The following CADM1 variants were observed in gnomAD, a reference collection of about 807,000 sequenced individuals.
CADM1 encodes TSLC-1.
A neutral mutation model predicts 53.1 loss-of-function variants in CADM1; 15 were observed. The observed-to-expected ratio is 0.28, with a 90% CI of 0.19 to 0.44. The LOEUF (loss-of-function observed/expected upper bound fraction) is 0.44, where lower values mean the gene tolerates loss of function less well. CADM1 is among the 20% of genes least tolerant of loss of function. CADM1 has a pLI of 1.00. For missense variants in CADM1, 434 were observed against 611.3 expected (o/e 0.71, Z 3.06); for synonymous variants, 281 against 243.0 (o/e 1.16, Z -1.45).
rs534561425 is a variant in CADM1 at position 115,494,777 on chromosome 11, G to A, written c.124+9494C>T. ...AAAAGTGATTGATAAATAGAGATAG[G>A]TAAATAGGCAGAAAACACTTCCTAC... On this transcript the variant is annotated intron_variant, in intron 1 of 11. Transcript: ENST00000331581. Among the ~76,000 whole-genome samples the A allele has an allele frequency of 7.9e-5, 12 of 152,208 alleles. 1 individual carries two copies. In the South Asian group the frequency reaches 1.9e-3, roughly 24 times the overall value.
chr11:115,463,791 T>TA (rs960641688), intron 1 of CADM1, among the ~76,000 whole-genome samples: 2 of 149,970 alleles, frequency 1.3e-5, no homozygotes, highest in African/African-American at 4.9e-5. Context: ...ATAAGACCAG[T>TA]AAAATGTCAC....
chr11:115,173,300 C>T lies in CADM1; in HGVS notation c.*3174G>A, dbSNP rs1230824949. 1 of 152,020 alleles carries T rather than the reference C, an allele frequency of 6.6e-6. No homozygotes were observed. The highest frequency in any genetic ancestry group is 1.5e-5 in the Non-Finnish European group (1 of 68,040). 9.4% of individuals were successfully genotyped at this position (152,020 alleles called of 1,614,324 possible). On this transcript the variant is annotated 3_prime_UTR_variant, in exon 12 of 12. Transcript: ENST00000331581. ...GGGATGAGTGCGGAAGACACATCTA[C>T]GGGAGCGGCCTGTTCCGGCGGGCCC...
chr11:115,336,790 A>C (rs955515881), intron 1 of CADM1, among the ~76,000 whole-genome samples: 1 of 152,182 alleles, frequency 6.6e-6, no homozygotes, highest in Admixed American at 6.6e-5. Context: ...CTTTTTCTTA[A>C]AGAAGTGGAA....
rs143240059 is a variant in CADM1, at chr11:115,483,694, C to T, written c.124+20577G>A. Among the ~76,000 whole-genome samples, 34 of 152,304 alleles carry T rather than the reference C, an allele frequency of 2.2e-4. 1 individual carries two copies. The East Asian group carries it at 5.8e-3, about 26-fold the overall frequency. On this transcript the variant is annotated intron_variant, in intron 1 of 11. Transcript: ENST00000331581. ...CTCACTAGTTAAAAATACCGATGAG[C>T]ATGAGAATTTGGCTTTTTAAATGTT...
intron 1 of CADM1, 72 bp downstream of exon 1, chr11:115,504,199 C>A: frequency 6.5e-7 from 1 of 1,548,808 alleles, no homozygotes; most frequent in South Asian, 1.2e-5. Flanking sequence ...GAAACGTTTC[C>A]CCCCTCTGTG....
chr11:115,463,426 G>GA (rs1188109742), intron 1 of CADM1, among the ~76,000 whole-genome samples: 1 of 152,088 alleles, frequency 6.6e-6, no homozygotes, highest in Non-Finnish European at 1.5e-5. Context: ...CTGGTTTAAA[G>GA]AAAAAATCAA....
intron 8 of CADM1, among the ~76,000 whole-genome samples, chr11:115,206,681 A>C (rs1206476779): frequency 6.8e-6 from 1 of 146,680 alleles, no homozygotes; most frequent in African/African-American, 2.5e-5. Context: ...TTTTTCTTGT[A>C]ATGAAACCCT....
intron 1 of CADM1, among the ~76,000 whole-genome samples, chr11:115,471,613 G>T (rs1013823995): frequency 6.6e-6 from 1 of 152,156 alleles, no homozygotes; most frequent in African/African-American, 2.4e-5. Flanking sequence ...AGATTTCTAG[G>T]CTCCACCCCC....
intron 10 of CADM1, among the ~76,000 whole-genome samples, chr11:115,179,810 C>T (rs1057306538): frequency 2.6e-5 from 4 of 151,946 alleles, no homozygotes; most frequent in Non-Finnish European, 4.4e-5. Flanking sequence ...GCAACAGAAA[C>T]GGTAAAAATC....
intron 1 of CADM1, among the ~76,000 whole-genome samples, chr11:115,437,700 G>A (rs181333052): frequency 9.2e-5 from 14 of 152,122 alleles, no homozygotes; most frequent in Non-Finnish European, 2.1e-4. Flanking sequence ...GACTACAGAG[G>A]AACTAAAAAA....
chr11:115,279,907 T>C (rs1433371782), intron 1 of CADM1, among the ~76,000 whole-genome samples: 1 of 152,164 alleles, frequency 6.6e-6, no homozygotes, highest in Non-Finnish European at 1.5e-5. Flanking sequence ...TGTCCCCAAA[T>C]GAAATTACGG....
intron 1 of CADM1, among the ~76,000 whole-genome samples, chr11:115,306,333 A>T (rs979305727): frequency 3.9e-5 from 6 of 152,020 alleles, no homozygotes; most frequent in African/African-American, 1.4e-4. Flanking sequence ...CTAGGAGTGT[A>T]GTAGACTACA....
At chr11:115,242,235 G>A (rs1388177369) in intron 1 of CADM1, among the ~76,000 whole-genome samples, 1 of 151,870 alleles carries the variant, frequency 6.6e-6, no homozygotes, top group Non-Finnish European at 1.5e-5. Flanking sequence ...GGCCCACCGG[G>A]CTTGCAGTGA....
intron 1 of CADM1, among the ~76,000 whole-genome samples, chr11:115,262,057 G>C (rs1256820565): frequency 2.0e-5 from 3 of 151,900 alleles, no homozygotes; most frequent in Admixed American, 2.0e-4. Flanking sequence ...GGGATTACAG[G>C]CGTGAGCCAC....
At chr11:115,214,522 CT>C in intron 7 of CADM1, 85 bp downstream of exon 7, 3 of 1,396,030 alleles carry the variant, frequency 2.1e-6, no homozygotes, top group Non-Finnish European at 3.0e-6. Flanking sequence ...TGATTTTCAA[CT>C]TGACCAAAAG....
intron 1 of CADM1, among the ~76,000 whole-genome samples, chr11:115,306,923 T>C (rs1344661175): frequency 6.6e-6 from 1 of 151,982 alleles, no homozygotes; most frequent in East Asian, 1.9e-4. Context: ...ATGGATGCAT[T>C]GCTTAATTAC....
chr11:115,401,206 C>A (rs145472436), intron 1 of CADM1, among the ~76,000 whole-genome samples: 1 of 152,124 alleles, frequency 6.6e-6, no homozygotes, highest in Non-Finnish European at 1.5e-5. Context: ...CATAAAGGAA[C>A]CTTAAATTCA....
At chr11:115,441,862 A>C (rs45557132) in intron 1 of CADM1, among the ~76,000 whole-genome samples, 19,125 of 152,040 alleles carry the variant, frequency 0.13, 1,591 homozygotes, top group Non-Finnish European at 0.18. Context: ...AGGAAAAACA[A>C]ACAAGCAAAA....
chr11:115,436,025 A>G (rs567808471), intron 1 of CADM1, among the ~76,000 whole-genome samples: 1 of 152,332 alleles, frequency 6.6e-6, no homozygotes, highest in African/African-American at 2.4e-5. Flanking sequence ...CTCTACAAAG[A>G]CACTCTGCAA....
Sources: allele counts gnomAD v4.1 joint callset (sites outside exome capture counted in the v4.1 genomes callset), GRCh38; gene constraint gnomAD v4.1.1; transcripts MANE v1.5; gene names NCBI Gene and HGNC (gene_info 2026-07-23, HGNC 2026-07-21).